Variants in PSD3 observed in about 807,000 individuals in gnomAD.
PSD3 encodes PH and SEC7 domain-containing protein 3.
PSD3 carries 49 observed loss-of-function variants against 105.5 expected under a neutral mutation model. The ratio of observed to expected loss-of-function variants is 0.46; its 90% CI spans 0.37 to 0.59. PSD3 has a LOEUF of 0.59. PSD3 is among the 20% of genes least tolerant of loss of function. The pLI is 0.00. For synonymous variants in PSD3, 557 were observed against 457.8 expected (o/e 1.22, Z -2.77); for missense variants, 1,561 against 1,263.8 (o/e 1.24, Z -3.57).
rs1816805400 is a variant in PSD3 at position 18,865,265 on chromosome 8, TATATATATATA to T, written c.1634+2398_1634+2408del. The T allele has an allele frequency of 7.2e-3, 55 of 7,660 alleles. 6 individuals carry two copies. The highest frequency in any genetic ancestry group is 9.2e-3 in the Non-Finnish European group (42 of 4,576). The allele number at this position is 7,660 out of a possible 1,614,324, so 0.5% of individuals were successfully genotyped here. ...ATATATATATATATATATATATATA[TATATATATATA>T]TATATATATATTTTTTTTTTTTTTT... On this transcript the variant is annotated intron_variant, in intron 4 of 15. Transcript: ENST00000327040.
chr8:19,066,910 C>T (rs1014018731), intron 1 of PSD3, among the ~76,000 whole-genome samples: 3 of 152,198 alleles, frequency 2.0e-5, no homozygotes, highest in Non-Finnish European at 2.9e-5. Flanking sequence ...AGCATCTTGA[C>T]ATTCTTGGGG....
At chr8:18,774,436 C>A in intron 8 of PSD3, 1 of 167,024 alleles carries the variant, frequency 6.0e-6, no homozygotes, top group Non-Finnish European at 1.3e-5. Flanking sequence ...TAACTATAGT[C>A]ACTCTACTGC....
intron 2 of PSD3, among the ~76,000 whole-genome samples, chr8:18,882,207 C>CAACA (rs35021958): frequency 0.17 from 26,062 of 151,328 alleles, 2,217 homozygotes; most frequent in South Asian, 0.28. Flanking sequence ...GATTCTGTCT[C>CAACA]AACAAACAAA....
intron 9 of PSD3, among the ~76,000 whole-genome samples, chr8:18,764,933 T>C (rs1806849964): frequency 6.6e-6 from 1 of 152,100 alleles, no homozygotes; most frequent in South Asian, 2.1e-4. Flanking sequence ...AACAATCTGA[T>C]GAGGGGGAAA....
intron 1 of PSD3, among the ~76,000 whole-genome samples, chr8:19,049,680 G>C: frequency 1.1e-5 from 1 of 91,666 alleles, no homozygotes; most frequent in Non-Finnish European, 2.0e-5. Flanking sequence ...GACAGACTAA[G>C]ACCCTGTCTC....
chr8:18,863,017 G>C (rs1388454605), intron 4 of PSD3, among the ~76,000 whole-genome samples: 1 of 152,094 alleles, frequency 6.6e-6, no homozygotes, highest in Non-Finnish European at 1.5e-5. Context: ...ATACCCGTTA[G>C]TATCCCGAGC....
intron 14 of PSD3, among the ~76,000 whole-genome samples, chr8:18,570,752 G>T (rs952155650): frequency 6.6e-6 from 1 of 151,888 alleles, no homozygotes; most frequent in Non-Finnish European, 1.5e-5. Flanking sequence ...TCAGAGAAAT[G>T]CAAGTAGTAT....
chr8:18,876,790 C>T (rs532734459), intron 2 of PSD3, among the ~76,000 whole-genome samples: 1 of 152,258 alleles, frequency 6.6e-6, no homozygotes, highest in South Asian at 2.1e-4. Context: ...TAAGAAACTG[C>T]TGAACAGTTT....
At chr8:18,641,592 G>A (rs899387040) in intron 10 of PSD3, among the ~76,000 whole-genome samples, 10 of 152,174 alleles carry the variant, frequency 6.6e-5, no homozygotes, top group African/African-American at 1.4e-4. Flanking sequence ...ATAAACTACG[G>A]TGGTTGTTAC....
chr8:19,055,540 AC>A (rs775361407), intron 1 of PSD3, among the ~76,000 whole-genome samples: 53 of 152,220 alleles, frequency 3.5e-4, no homozygotes, highest in Admixed American at 6.5e-4. Context: ...GGCGTGAGCC[AC>A]CGTGCCCGGC....
intron 9 of PSD3, among the ~76,000 whole-genome samples, chr8:18,753,272 C>T (rs59437212): frequency 0.19 from 28,530 of 151,296 alleles, 4,682 homozygotes; most frequent in African/African-American, 0.42. Context: ...GAGAATCACT[C>T]GAACCCAGGA....
chr8:18,754,167 T>C lies in PSD3; in HGVS notation c.2172+11282A>G, dbSNP rs542036572. ...GGGAAGCCGAGGTGGGTGGATTACC[T>C]GAGGTCAGGAGTTCCGGATCAGCCT... On this transcript the variant is annotated intron_variant, in intron 9 of 15. Coordinates refer to ENST00000327040, the MANE Select transcript of PSD3 (RefSeq NM_015310.4). Among the ~76,000 whole-genome samples, 24 of 152,264 alleles carry C rather than the reference T, an allele frequency of 1.6e-4. 2 individuals are homozygous for C. The South Asian group carries it at 5.0e-3, about 32-fold the overall frequency.
At chr8:18,633,212 C>G (rs2410593) in intron 10 of PSD3, among the ~76,000 whole-genome samples, 1 of 151,756 alleles carries the variant, frequency 6.6e-6, no homozygotes, top group Non-Finnish European at 1.5e-5. Flanking sequence ...TTTTGACTTA[C>G]GTATTTCTAC....
chr8:18,665,335 G>C (rs957106051), intron 9 of PSD3, among the ~76,000 whole-genome samples: 1 of 152,196 alleles, frequency 6.6e-6, no homozygotes. Context: ...GACTTTGGGG[G>C]GTTTGAGACT....
intron 1 of PSD3, among the ~76,000 whole-genome samples, chr8:19,005,866 A>C (rs1433110687): frequency 6.6e-6 from 1 of 151,830 alleles, no homozygotes; most frequent in Non-Finnish European, 1.5e-5. Flanking sequence ...ACATACTAAA[A>C]ATCAATGAGT....
chr8:19,018,148 A>G (rs1442395269), upstream of PSD3, among the ~76,000 whole-genome samples: 1 of 152,218 alleles, frequency 6.6e-6, no homozygotes, highest in Non-Finnish European at 1.5e-5. Flanking sequence ...GGTTGAATAG[A>G]TAGCCCAGTC....
At chr8:18,821,964 T>G (rs1812779173) in intron 4 of PSD3, among the ~76,000 whole-genome samples, 1 of 150,962 alleles carries the variant, frequency 6.6e-6, no homozygotes, top group South Asian at 2.1e-4. Flanking sequence ...GTAATCGAGT[T>G]CTTTAACTTC....
chr8:18,535,994 A>T (rs1227179232), intron 15 of PSD3, 36 bp from the exon 16 acceptor site: 1 of 1,584,766 alleles, frequency 6.3e-7, no homozygotes, highest in Non-Finnish European at 8.7e-7. Flanking sequence ...GTAGTCAGAA[A>T]ACTGTTCAAA....
chr8:19,056,401 T>C (rs1173651044), intron 1 of PSD3, among the ~76,000 whole-genome samples: 2 of 152,144 alleles, frequency 1.3e-5, no homozygotes, highest in Non-Finnish European at 2.9e-5. Flanking sequence ...GAAGTCAGAG[T>C]TTTGACACGT....
Sources: allele counts gnomAD v4.1 joint callset (sites outside exome capture counted in the v4.1 genomes callset), GRCh38; gene constraint gnomAD v4.1.1; transcripts MANE v1.5; gene names NCBI Gene and HGNC (gene_info 2026-07-23, HGNC 2026-07-21).